CCNB2: variants seen among roughly 807,000 people sequenced by gnomAD.
CCNB2 encodes the protein G2/mitotic-specific cyclin-B2.
Under a neutral mutation model 51.1 loss-of-function variants are expected in CCNB2, and 39 were observed. The ratio of observed to expected loss-of-function variants is 0.76; its 90% confidence interval spans 0.59 to 1.00. The LOEUF is 1.00. Ranked by LOEUF, CCNB2 falls within the 50% of genes least tolerant of loss-of-function variation. The probability of loss-of-function intolerance (pLI) is 0.00; values close to 1 mark genes in which losing one functional copy is unlikely to be tolerated. For synonymous variants in CCNB2, 174 were observed against 165.5 expected (o/e 1.05, Z -0.40); for missense variants, 472 against 470.3 (o/e 1.00, Z -0.03).
At chr15:59,122,732 C>T (rs1386498465) in intron 7 of CCNB2, among the ~76,000 whole-genome samples, 1 of 151,984 alleles carries the variant, frequency 6.6e-6, no homozygotes, top group African/African-American at 2.4e-5. Flanking sequence ...GATAGGGTCT[C>T]CCAATGTTAC....
chr15:59,118,892 G>A (rs1385965297), intron 7 of CCNB2, among the ~76,000 whole-genome samples: 1 of 152,200 alleles, frequency 6.6e-6, no homozygotes, highest in Non-Finnish European at 1.5e-5. Context: ...AAGGTCACCA[G>A]GGCAGCATGG....
intron 1 of CCNB2, 24 bp from the exon 2 acceptor site, chr15:59,107,298 A>ATT: frequency 6.6e-7 from 1 of 1,520,140 alleles, no homozygotes; most frequent in Non-Finnish European, 8.9e-7. Flanking sequence ...TCAAGGTTTC[A>ATT]TTACTTTTTT....
rs1394511691 is a variant in CCNB2 at position 59,123,501 on chromosome 15, G to C, written c.976-16G>C. The C allele has an allele frequency of 5.3e-6, 8 of 1,505,794 alleles. No individual in the cohort carries two copies. The highest frequency in any genetic ancestry group is 7.4e-6 in the Non-Finnish European group (8 of 1,081,758). The allele number at this position is 1,505,794 out of a possible 1,614,324, so 93.3% of individuals were successfully genotyped here. Reference sequence around the variant, plus strand: ...GCCCCTCAGTCATGTCTGTCTGTCTGCTTCTTGTGTTTCAGAACTTAAAGC... The same window carrying C: ...GCCCCTCAGTCATGTCTGTCTGTCTCCTTCTTGTGTTTCAGAACTTAAAGC... On this transcript the variant is annotated splice_polypyrimidine_tract_variant and intron_variant, in intron 7 of 8. Transcript: ENST00000288207.
intron 3 of CCNB2, among the ~76,000 whole-genome samples, chr15:59,114,102 G>A (rs1211466679): frequency 6.6e-6 from 1 of 152,214 alleles, no homozygotes; most frequent in Non-Finnish European, 1.5e-5. Context: ...AGGGGCAAGA[G>A]CATTCTGGGT....
In CCNB2 at chr15:59,107,651, T is replaced by C. The variant is rs1169668571; in HGVS notation, c.248T>C (p.Met83Thr). 2 of 1,613,756 alleles carry C rather than the reference T, an allele frequency of 1.2e-6. No individual in the cohort carries two copies. Among genetic ancestry groups the C allele is most frequent in the Non-Finnish European group, 1.7e-6 (2 of 1,179,908 alleles). ...KPTASVKPVQMEKLAPKGPSP... is the reference protein window; with the variant it reads ...KPTASVKPVQTEKLAPKGPSP... The stretch of plus-strand genomic sequence containing the variant: ...ACTGCTTCTGTCAAACCAGTACAGA[T>C]GGAAAAGTTGGCTCCAAAGGTAGGA... The change falls in exon 3 of 9, where the codon ATG (methionine) becomes ACG (threonine). Residue 83 changes from methionine (M) to threonine (T), a missense_variant. By Grantham distance (81) the Met-to-Thr change is moderately conservative. Coordinates refer to ENST00000288207, the MANE Select transcript of CCNB2 (RefSeq NM_004701.4).
intron 7 of CCNB2, among the ~76,000 whole-genome samples, chr15:59,119,947 ATCT>A (rs1318327298): frequency 4.6e-5 from 7 of 152,150 alleles, no homozygotes; most frequent in Non-Finnish European, 8.8e-5. Flanking sequence ...GGCTCAAGTG[ATCT>A]TCTCGCCTTG....
At chr15:59,106,479 C>T (rs1197995588) in intron 1 of CCNB2, among the ~76,000 whole-genome samples, 1 of 152,160 alleles carries the variant, frequency 6.6e-6, no homozygotes, top group South Asian at 2.1e-4. Context: ...GGACCCTGAA[C>T]TCTCAGGGAT....
At chr15:59,120,562 T>TA (rs1346290002) in intron 7 of CCNB2, among the ~76,000 whole-genome samples, 2 of 151,506 alleles carry the variant, frequency 1.3e-5, no homozygotes, top group South Asian at 2.1e-4. Flanking sequence ...TTATAGTGTA[T>TA]AAAAAAAAGG....
intron 8 of CCNB2, 139 bp downstream of exon 8, chr15:59,123,766 C>T (rs1210923939): frequency 1.6e-6 from 1 of 628,422 alleles, no homozygotes; most frequent in African/African-American, 1.9e-5. Flanking sequence ...ATCCTTTATC[C>T]TTTATATTTT....
intron 5 of CCNB2, chr15:59,116,159 A>G (rs1411924846): frequency 6.6e-6 from 1 of 152,532 alleles, no homozygotes; most frequent in Non-Finnish European, 1.5e-5. Flanking sequence ...GCATTAGCGA[A>G]AGATTTTCTA....
chr15:59,116,732 A>C lies in CCNB2; in HGVS notation c.640A>C (p.Thr214Pro). Residue 214 changes from threonine (T) to proline (P), a missense_variant, in exon 6 of 9, where the codon ACT becomes CCT. Transcript: ENST00000288207. ...SRKKLQLVGI[T>P]ALLLASKYEE... ...GAAGAAGCTTCAATTAGTTGGGATT[A>C]CTGCTCTGCTCTTGGCTTCCAAGTA... 6.2e-7 allele frequency: 1 copy of C among 1,612,772 alleles called. No individual in the cohort carries two copies. The highest frequency in any genetic ancestry group is 8.5e-7 in the Non-Finnish European group (1 of 1,179,968).
In CCNB2 at chr15:59,121,931, C is replaced by CAAAAAA. The variant is rs3052992; in HGVS notation, c.976-1561_976-1556dup. Among the ~76,000 whole-genome samples, 49 of 14,102 alleles carry CAAAAAA rather than the reference C, an allele frequency of 3.5e-3. 3 individuals carry two copies. The highest frequency in any genetic ancestry group is 7.9e-3 in the African/African-American group (42 of 5,334). The allele number at this position is 14,102 out of a possible 152,430, so 9.3% of individuals were successfully genotyped here. A position where few individuals can be genotyped will look rare whatever the true frequency, so the allele number is the denominator to read the frequency against. On this transcript the variant is annotated intron_variant, in intron 7 of 8. Coordinates refer to ENST00000288207, the MANE Select transcript of CCNB2 (RefSeq NM_004701.4). ...TGGGCGACAGAATGAGACTCTGTCTCAAAAAAAAAAAAAAAAAAAAAAAAA... is the reference window on the plus strand; with the variant it reads ...TGGGCGACAGAATGAGACTCTGTCTCAAAAAAAAAAAAAAAAAAAAAAAAAAAAAAA...
chr15:59,122,887 C>G (rs1389075302), intron 7 of CCNB2, among the ~76,000 whole-genome samples: 1 of 152,160 alleles, frequency 6.6e-6, no homozygotes, highest in African/African-American at 2.4e-5. Flanking sequence ...GACAGCTGTT[C>G]TTTTACTTGA....
rs2140292063 is a variant in CCNB2 at position 59,123,536 on chromosome 15, A to T, written c.995A>T (p.Tyr332Phe). The change falls in exon 8 of 9, where the codon TAC becomes TTC. Residue 332 changes from tyrosine (Y) to phenylalanine (F), a missense_variant. Physicochemically the swap from Tyr to Phe is conservative, Grantham distance 22 (BLOSUM62 3). Transcript: ENST00000288207. Reference sequence around the variant, plus strand: ...TTTCAGAACTTAAAGCAGCAGTATTACACAGGATACACAGAGAATGAAGTA... The same window carrying T: ...TTTCAGAACTTAAAGCAGCAGTATTTCACAGGATACACAGAGAATGAAGTA... ...QGKWNLKQQY[Y>F]TGYTENEVLE... The T allele has an allele frequency of 6.2e-7, 1 of 1,611,532 alleles. No homozygotes were observed. Among genetic ancestry groups the T allele is most frequent in the Admixed American group, 1.7e-5 (1 of 60,012 alleles).
In CCNB2 at chr15:59,122,241, CTTTTTTTTTTT is replaced by C. The variant is rs1162917277; in HGVS notation, c.976-1261_976-1251del. 9.8e-3 allele frequency among the ~76,000 whole-genome samples: 719 copies of C among 73,026 alleles called. 7 individuals are homozygous for C. Among genetic ancestry groups the C allele is most frequent in the Non-Finnish European group, 0.014 (570 of 41,850 alleles). 47.9% of individuals were successfully genotyped at this position (73,026 alleles called of 152,430 possible). A position where few individuals can be genotyped will look rare whatever the true frequency, so the allele number is the denominator to read the frequency against. On this transcript the variant is annotated intron_variant, in intron 7 of 8. Transcript: ENST00000288207. ...TCTTAAATAAAGTCAGTTGACATAT[CTTTTTTTTTTT>C]TTTTTTTTTTTTTTGAGACAGAGTC...
At chr15:59,112,789 C>G (rs1430578928) in intron 3 of CCNB2, among the ~76,000 whole-genome samples, 1 of 151,668 alleles carries the variant, frequency 6.6e-6, no homozygotes, top group African/African-American at 2.4e-5. Context: ...AATCCCAACA[C>G]TTTGGGAGGC....
chr15:59,113,516 C>T (rs992511123), intron 3 of CCNB2, among the ~76,000 whole-genome samples: 1 of 151,778 alleles, frequency 6.6e-6, no homozygotes, highest in Non-Finnish European at 1.5e-5. Context: ...ACTATATAAA[C>T]TATAGAATTT....
intron 7 of CCNB2, among the ~76,000 whole-genome samples, chr15:59,119,465 A>AAAAG: frequency 6.6e-6 from 1 of 150,748 alleles, no homozygotes; most frequent in East Asian, 1.9e-4. Flanking sequence ...GTCTCCAAAA[A>AAAAG]AAAAAAAAAA....
chr15:59,122,241 CT>C (rs1162917277), intron 7 of CCNB2, among the ~76,000 whole-genome samples: 1,937 of 72,890 alleles, frequency 0.027, 15 homozygotes, highest in African/African-American at 0.1. Flanking sequence ...GTTGACATAT[CT>C]TTTTTTTTTT....
Sources: gnomAD v4.1 joint callset for allele counts (sites outside exome capture counted in the v4.1 genomes callset) on GRCh38, gnomAD v4.1.1 for gene constraint, MANE v1.5 for transcripts, NCBI Gene and HGNC (gene_info 2026-07-23, HGNC 2026-07-21) for gene names.